The following NAV2 variants were observed in gnomAD, a reference collection of about 807,000 sequenced individuals.
NAV2 encodes helicase, APC down-regulated 1.
Under a neutral mutation model 223.2 loss-of-function variants are expected in NAV2, and 54 were observed. The ratio of observed to expected loss-of-function variants is 0.24; its 90% CI spans 0.19 to 0.30. The LOEUF (loss-of-function observed/expected upper bound fraction) is 0.30. Ranked by LOEUF, NAV2 falls within the 10% of genes least tolerant of loss-of-function variation. The pLI, the probability that NAV2 is intolerant of heterozygous loss-of-function variation, is 1.00. For synonymous variants in NAV2, 1,279 were observed against 1,239.3 expected (o/e 1.03, Z -0.67); for missense variants, 2,806 against 3,147.5 (o/e 0.89, Z 2.60).
At chr11:19,530,042 C>A (rs371067452) in intron 1 of NAV2, among the ~76,000 whole-genome samples, 2 of 152,154 alleles carry the variant, frequency 1.3e-5, no homozygotes, top group African/African-American at 4.8e-5. Context: ...ATCGGCCCAA[C>A]AAAGCACACT....
At chr11:19,962,505 A>G (rs2048422968) in intron 10 of NAV2, among the ~76,000 whole-genome samples, 2 of 152,176 alleles carry the variant, frequency 1.3e-5, no homozygotes, top group Admixed American at 6.5e-5. Context: ...GCCCAGGGTC[A>G]ACACATCAGC....
At chr11:20,069,560 C>A (rs568924045) in intron 22 of NAV2, among the ~76,000 whole-genome samples, 1 of 152,084 alleles carries the variant, frequency 6.6e-6, no homozygotes, top group Non-Finnish European at 1.5e-5. Context: ...TGTATTGGAG[C>A]CCTGATGCAC....
intron 1 of NAV2, among the ~76,000 whole-genome samples, chr11:19,409,650 C>T (rs554360140): frequency 7.9e-5 from 12 of 152,320 alleles, no homozygotes; most frequent in African/African-American, 2.9e-4. Flanking sequence ...ATCCACAGAG[C>T]TCCCGTGATG....
At chr11:19,946,376 CT>C (rs774054663) in intron 8 of NAV2, 24 bp from the exon 9 acceptor site, 33 of 1,592,736 alleles carry the variant, frequency 2.1e-5, no homozygotes, top group Non-Finnish European at 2.8e-5. Context: ...GAGAATTAAA[CT>C]AGTCTTAACC....
chr11:19,781,385 A>G (rs2056730472), intron 1 of NAV2, among the ~76,000 whole-genome samples: 1 of 152,276 alleles, frequency 6.6e-6, no homozygotes, highest in South Asian at 2.1e-4. Context: ...GATCAGGGAC[A>G]TCCTGGGAGG....
At chr11:20,107,308 G>T (rs186374709) in intron 35 of NAV2, 244 of 160,862 alleles carry the variant, frequency 1.5e-3, no homozygotes, top group African/African-American at 5.7e-3. Flanking sequence ...GGATGGTCTC[G>T]ATCTCCTGAC....
intron 11 of NAV2, among the ~76,000 whole-genome samples, chr11:20,010,339 C>G (rs1273765570): frequency 6.6e-6 from 1 of 152,126 alleles, no homozygotes; most frequent in East Asian, 1.9e-4. Flanking sequence ...ATTGTCTGCT[C>G]CCGTGGATCA....
chr11:19,930,938 C>G (rs1441275969), intron 6 of NAV2, among the ~76,000 whole-genome samples: 1 of 152,178 alleles, frequency 6.6e-6, no homozygotes, highest in Non-Finnish European at 1.5e-5. Flanking sequence ...TGCGCAGTTC[C>G]TAAAAGTGCT....
chr11:19,415,606 C>T (rs1180319145), intron 1 of NAV2, among the ~76,000 whole-genome samples: 7 of 152,194 alleles, frequency 4.6e-5, no homozygotes, highest in African/African-American at 1.7e-4. Context: ...AGACCAGCAT[C>T]ATCCTGATAC....
At chr11:19,431,837 C>A (rs1223683455) in intron 1 of NAV2, among the ~76,000 whole-genome samples, 1 of 152,210 alleles carries the variant, frequency 6.6e-6, no homozygotes, top group Non-Finnish European at 1.5e-5. Flanking sequence ...AAAAACACAG[C>A]TTTTGGATTT....
At chr11:19,747,918 A>C (rs1462884813) in intron 1 of NAV2, among the ~76,000 whole-genome samples, 1 of 152,160 alleles carries the variant, frequency 6.6e-6, no homozygotes, top group African/African-American at 2.4e-5. Flanking sequence ...CCAGGCTGCT[A>C]GGCCTCTGTC....
At chr11:19,961,162 C>T (rs1215672894) in intron 10 of NAV2, among the ~76,000 whole-genome samples, 1 of 152,006 alleles carries the variant, frequency 6.6e-6, no homozygotes, top group East Asian at 1.9e-4. Context: ...GTTGCCCAGG[C>T]TGGTCTTGAA....
chr11:19,350,881 G>C, exon 1 of NAV2: 3 of 1,469,184 alleles, frequency 2.0e-6, no homozygotes, highest in Non-Finnish European at 2.8e-6. Flanking sequence ...CATCACTTTT[G>C]TGTGGGTTAT....
At position 20,118,395 on chromosome 11, in the gene NAV2, C is replaced by G. The variant is rs544433495; in HGVS notation, c.*137C>G. The G allele has an allele frequency of 2.9e-6, 3 of 1,030,760 alleles. No individual in the cohort carries two copies. The highest frequency in any genetic ancestry group is 4.8e-5 in the East Asian group (2 of 41,448). The allele number at this position is 1,030,760 out of a possible 1,614,324, so 63.9% of individuals were successfully genotyped here. On this transcript the variant is annotated 3_prime_UTR_variant, in exon 38 of 38. Transcript: ENST00000349880. ...CTGCGGGAACACCGAGACCCCCCGT[C>G]CTTCAGCCTCGACCTGGGTGCAGGC...
Position 19,826,261 on chromosome 11 carries a change from C to T in NAV2, c.268-6223C>T, listed in dbSNP as rs1411475443. Among the ~76,000 whole-genome samples the T allele has an allele frequency of 2.0e-5, 3 of 152,276 alleles. No homozygotes were observed. In the East Asian group the frequency reaches 5.8e-4, roughly 29 times the overall value. ...AACCAGGATGAAGAATCAATGGGCT[C>T]CTGGGGAAAAAGCAACAGCAGCCCT... On this transcript the variant is annotated intron_variant, in intron 1 of 37. Coordinates refer to ENST00000349880, the MANE Select transcript of NAV2 (RefSeq NM_145117.5).
intron 1 of NAV2, among the ~76,000 whole-genome samples, chr11:19,522,705 A>G (rs1391940663): frequency 6.6e-6 from 1 of 152,220 alleles, no homozygotes; most frequent in East Asian, 1.9e-4. Flanking sequence ...ATTTTTCTGC[A>G]TAGGAGAAAA....
chr11:19,482,936 GA>G (rs2042325452), intron 1 of NAV2, among the ~76,000 whole-genome samples: 1 of 152,164 alleles, frequency 6.6e-6, no homozygotes, highest in Non-Finnish European at 1.5e-5. Flanking sequence ...TTCATAGGGA[GA>G]GATGAGGCAA....
intron 1 of NAV2, among the ~76,000 whole-genome samples, chr11:19,448,006 C>T (rs564008848): frequency 6.6e-6 from 1 of 152,298 alleles, no homozygotes; most frequent in African/African-American, 2.4e-5. Flanking sequence ...TGAGCTGTTG[C>T]CCACCACAAG....
At chr11:19,646,092 C>A (rs931579365) in intron 1 of NAV2, among the ~76,000 whole-genome samples, 4 of 152,160 alleles carry the variant, frequency 2.6e-5, no homozygotes, top group Non-Finnish European at 5.9e-5. Context: ...TTTCTTAGAA[C>A]CTGCACCCAC....
Sources: gnomAD v4.1 joint callset for allele counts (sites outside exome capture counted in the v4.1 genomes callset) on GRCh38, gnomAD v4.1.1 for gene constraint, MANE v1.5 for transcripts, NCBI Gene and HGNC (gene_info 2026-07-23, HGNC 2026-07-21) for gene names.